Variants in HPSE observed in about 807,000 individuals in gnomAD.
HPSE encodes endo-glucoronidase.
In HPSE, 48 loss-of-function variants were observed where a neutral mutation model predicts 65.1. That is an observed-to-expected ratio of 0.74 (90% confidence interval 0.58 to 0.94). The LOEUF (loss-of-function observed/expected upper bound fraction) is 0.94, where lower values mean the gene tolerates loss of function less well. Ranked by LOEUF, HPSE falls within the 40% of genes least tolerant of loss-of-function variation. The pLI is 0.00. For missense variants in HPSE, 644 were observed against 637.5 expected, an observed-to-expected ratio of 1.01 and a Z score of -0.11; for synonymous variants, 243 against 260.0, an observed-to-expected ratio of 0.93 and a Z score of 0.63.
chr4:83,314,264 A>AC, intron 3 of HPSE, among the ~76,000 whole-genome samples: 1 of 52,584 alleles, frequency 1.9e-5, no homozygotes, highest in South Asian at 6.6e-4. Flanking sequence ...TCTCAAAAAA[A>AC]AAAACAAAAA....
rs780737763 is a variant in HPSE, at chr4:83,308,869, G to C, written c.1067C>G (p.Ser356Cys). 6.2e-7 allele frequency: 1 copy of C among 1,613,998 alleles called. No individual in the cohort carries two copies. The highest frequency in any genetic ancestry group is 1.1e-5 in the South Asian group (1 of 91,070). Residue 356 changes from serine (S) to cysteine (C), a missense_variant, in exon 8 of 12, where the codon TCC becomes TGC. By Grantham distance (112) the Ser-to-Cys change is moderately radical. Transcript: ENST00000311412. ...SAYGGGAPLL[S>C]DTFAAGFMWL... is the part of the protein sequence containing the mutation. Reference sequence around the variant, plus strand: ...CATAAAGCCAGCTGCAAAGGTGTCGGATAGCAAGGGCGCTCCGCCTCCATA... The same window carrying C: ...CATAAAGCCAGCTGCAAAGGTGTCGCATAGCAAGGGCGCTCCGCCTCCATA...
chr4:83,299,165 A>G (rs147091290), intron 11 of HPSE, among the ~76,000 whole-genome samples: 3,607 of 151,992 alleles, frequency 0.024, 148 homozygotes, highest in African/African-American at 0.082. Flanking sequence ...GGAGTTCAAG[A>G]CCAGCCTGGC....
At chr4:83,296,557 C>T (rs919493404) in intron 11 of HPSE, among the ~76,000 whole-genome samples, 1 of 151,914 alleles carries the variant, frequency 6.6e-6, no homozygotes, top group African/African-American at 2.4e-5. Context: ...TGCCTGTAGT[C>T]CCAGCTACTC....
chr4:83,299,730 G>C lies in HPSE; in HGVS notation c.1472+1230C>G, dbSNP rs371447889. Reference sequence around the variant, plus strand: ...TATTTATTTATTTTTTTGAGACAGGGTCTCACTCTGTCACCCAGGCTGGGT... The same window carrying C: ...TATTTATTTATTTTTTTGAGACAGGCTCTCACTCTGTCACCCAGGCTGGGT... On this transcript the variant is annotated intron_variant, in intron 11 of 11. Transcript: ENST00000311412. Among the ~76,000 whole-genome samples the C allele has an allele frequency of 4.4e-4, 67 of 151,872 alleles. 1 individual carries two copies. Among genetic ancestry groups the C allele is most frequent in the African/African-American group, 1.5e-3 (63 of 41,404 alleles).
At chr4:83,306,519 A>G (rs868379677) in intron 8 of HPSE, among the ~76,000 whole-genome samples, 5 of 152,204 alleles carry the variant, frequency 3.3e-5, no homozygotes, top group South Asian at 2.1e-4. Flanking sequence ...GGGCTCCATT[A>G]ATCCTCCTGT....
chr4:83,297,367 G>A (rs575058659), intron 11 of HPSE, among the ~76,000 whole-genome samples: 46 of 149,888 alleles, frequency 3.1e-4, no homozygotes, highest in African/African-American at 9.6e-4. Context: ...TTAAGTATGG[G>A]TATACTGTAT....
rs915748838 is a variant in HPSE, at chr4:83,292,613, TAA to T, written c.*2729_*2730del. The T allele has an allele frequency of 6.6e-6, 1 of 152,228 alleles. No homozygotes were observed. Among genetic ancestry groups the T allele is most frequent in the African/African-American group, 2.4e-5 (1 of 41,460 alleles). 9.4% of individuals were successfully genotyped at this position (152,228 alleles called of 1,614,324 possible). Reference sequence around the variant, plus strand: ...TGAATGAAATTGAATGGAATTAACCTAAGTGTCCATCAACTGATAAGTGGATA... The same window carrying T: ...TGAATGAAATTGAATGGAATTAACCTGTGTCCATCAACTGATAAGTGGATA... On this transcript the variant is annotated 3_prime_UTR_variant, in exon 12 of 12. Transcript: ENST00000311412.
In HPSE at chr4:83,313,295, A is replaced by T; in HGVS notation, c.500-8T>A. On this transcript the variant is annotated splice_polypyrimidine_tract_variant and splice_region_variant and intron_variant, in intron 3 of 11. Transcript: ENST00000311412. ...GCACATCTACAGAGCTTCCTAAAAGAAAAACGTCACAATTTAATGGTTAGA... is the reference window on the plus strand; with the variant it reads ...GCACATCTACAGAGCTTCCTAAAAGTAAAACGTCACAATTTAATGGTTAGA... 6.3e-7 allele frequency: 1 copy of T among 1,596,416 alleles called. No individual in the cohort carries two copies. Among genetic ancestry groups the T allele is most frequent in the Non-Finnish European group, 8.5e-7 (1 of 1,171,454 alleles).
rs911083303 is a variant in HPSE, at chr4:83,326,818, C to T, written c.228-4454G>A. Among the ~76,000 whole-genome samples the T allele has an allele frequency of 1.4e-4, 22 of 152,112 alleles. No individual in the cohort carries two copies. The highest frequency in any genetic ancestry group is 5.3e-4 in the African/African-American group (22 of 41,414). The stretch of plus-strand genomic sequence containing the variant: ...ATGATAGAGGAACCTCATTTAGATT[C>T]CTCTAGCTGTATTTGTAAGCAGTCG... On this transcript the variant is annotated intron_variant, in intron 1 of 11. Transcript: ENST00000311412. This position sits in a 1 kb window ranked among gnomAD's most constrained non-coding sequence, Gnocchi z 4.2.
intron 1 of HPSE, among the ~76,000 whole-genome samples, chr4:83,331,841 C>G (rs1420332994): frequency 6.6e-6 from 1 of 152,168 alleles, no homozygotes; most frequent in East Asian, 1.9e-4. Flanking sequence ...TCTACCATAT[C>G]CTACTCTCTT....
At chr4:83,316,876 T>G (rs1361584039) in intron 3 of HPSE, among the ~76,000 whole-genome samples, 1 of 152,096 alleles carries the variant, frequency 6.6e-6, no homozygotes, top group African/African-American at 2.4e-5. Context: ...GTTTTTTTGT[T>G]GTTGTTGTTT....
intron 11 of HPSE, 102 bp from the exon 12 acceptor site, chr4:83,295,605 T>G (rs1308092040): frequency 4.6e-6 from 4 of 874,908 alleles, no homozygotes; most frequent in Non-Finnish European, 6.8e-6. Flanking sequence ...AAATTTTTTT[T>G]TGTGGCAGCC....
At chr4:83,324,012 T>C (rs1737029670) in intron 1 of HPSE, among the ~76,000 whole-genome samples, 1 of 151,822 alleles carries the variant, frequency 6.6e-6, no homozygotes, top group Non-Finnish European at 1.5e-5. Flanking sequence ...AAACCAATGC[T>C]AGCAACTCTT....
At chr4:83,301,469 T>A (rs543247610) in intron 10 of HPSE, among the ~76,000 whole-genome samples, 13 of 152,292 alleles carry the variant, frequency 8.5e-5, no homozygotes, top group Admixed American at 8.5e-4. Flanking sequence ...TCATGTGAAT[T>A]CAAATTATAA....
At chr4:83,305,440 A>C (rs1439130863) in intron 9 of HPSE, among the ~76,000 whole-genome samples, 1 of 152,218 alleles carries the variant, frequency 6.6e-6, no homozygotes, top group East Asian at 1.9e-4. Flanking sequence ...TCCACAAACC[A>C]CAAAAGCCTA....
intron 11 of HPSE, among the ~76,000 whole-genome samples, chr4:83,296,589 C>T (rs546112139): frequency 6.6e-6 from 1 of 151,166 alleles, no homozygotes; most frequent in East Asian, 1.9e-4. Flanking sequence ...ACATGAGAAT[C>T]GTTTGAACCT....
Position 83,334,614 on chromosome 4 carries a change from G to A in HPSE, c.169C>T (p.Leu57=). The change falls in exon 1 of 12, where the codon CTG becomes TTG. Residue 57 remains leucine (L), a synonymous_variant. Coordinates refer to ENST00000311412, the MANE Select transcript of HPSE (RefSeq NM_001098540.3). The stretch of plus-strand genomic sequence containing the variant: ...AGGTTGGCGTCAATGGTGACGGACA[G>A]GAACGAGGGGCTCACCAGGTGCAGC... ...EPLHLVSPSF[L]SVTIDANLAT... is the part of the protein sequence containing the mutation. The A allele has an allele frequency of 1.9e-6, 3 of 1,592,992 alleles. No individual in the cohort carries two copies. The highest frequency in any genetic ancestry group is 2.7e-5 in the African/African-American group (2 of 74,718).
At chr4:83,302,965 A>T (rs967418474) in intron 9 of HPSE, among the ~76,000 whole-genome samples, 3 of 152,120 alleles carry the variant, frequency 2.0e-5, no homozygotes, top group African/African-American at 7.2e-5. Flanking sequence ...ACGAAATGAG[A>T]CACTGTCTCA....
intron 11 of HPSE, among the ~76,000 whole-genome samples, chr4:83,300,511 TATACTC>T (rs1268210462): frequency 3.3e-5 from 5 of 152,204 alleles, no homozygotes; most frequent in African/African-American, 9.7e-5. Context: ...TAGGGTGAGT[TATACTC>T]ATATTAGTAA....
Sources: allele counts gnomAD v4.1 joint callset (sites outside exome capture counted in the v4.1 genomes callset), GRCh38; gene constraint gnomAD v4.1.1; non-coding constraint Gnocchi (gnomAD v3.1); transcripts MANE v1.5; gene names NCBI Gene and HGNC (gene_info 2026-07-23, HGNC 2026-07-21).